The following NBAS variants were observed in gnomAD, a reference collection of about 807,000 sequenced individuals.
The protein encoded by NBAS is NBAS subunit of NRZ tethering complex, also known as NAG/BC035112 fusion.
NBAS carries 219 observed loss-of-function variants against 302.5 expected under a neutral mutation model. That is an observed-to-expected ratio of 0.72 (90% CI 0.65 to 0.81). The LOEUF (loss-of-function observed/expected upper bound fraction) is 0.81. Ranked by LOEUF, NBAS falls within the 30% of genes least tolerant of loss-of-function variation. NBAS has a pLI of 0.00. For synonymous variants in NBAS, 1,118 were observed against 1,021.6 expected (o/e 1.09, Z -1.80); for missense variants, 2,932 against 2,841.6 (o/e 1.03, Z -0.72).
chr2:14,883,979 AT>A, the NBAS span, among the ~76,000 whole-genome samples: 42 of 150,278 alleles, frequency 2.8e-4, no homozygotes, highest in African/African-American at 5.9e-4. Flanking sequence ...CTCAAAAAAA[AT>A]AAAATAAAAT....
chr2:15,227,528 AC>A (rs1404946714), intron 47 of NBAS, among the ~76,000 whole-genome samples: 4 of 152,086 alleles, frequency 2.6e-5, no homozygotes, highest in African/African-American at 4.8e-5. Context: ...AAGGCAAAAG[AC>A]CCTGGATACC....
chr2:15,353,214 T>G (rs895233749), intron 34 of NBAS, among the ~76,000 whole-genome samples: 5 of 152,194 alleles, frequency 3.3e-5, no homozygotes, highest in Admixed American at 3.3e-4. Context: ...TCCACTGGCT[T>G]TAACCCATAT....
the NBAS span, among the ~76,000 whole-genome samples, chr2:15,012,862 AT>A: frequency 0.016 from 2,367 of 147,414 alleles, 42 homozygotes; most frequent in African/African-American, 0.041. Flanking sequence ...AAACTATGGA[AT>A]TTTTTTTTTT....
chr2:15,115,772 A>G, the NBAS span, among the ~76,000 whole-genome samples: 42 of 152,048 alleles, frequency 2.8e-4, no homozygotes, highest in Non-Finnish European at 5.7e-4. Flanking sequence ...CTCACCTCCC[A>G]AAGTGCTAGG....
the NBAS span, among the ~76,000 whole-genome samples, chr2:14,949,405 C>A: frequency 6.6e-6 from 1 of 151,998 alleles, no homozygotes; most frequent in African/African-American, 2.4e-5. Context: ...AAACAAATAA[C>A]ATAATTTTAA....
the NBAS span, among the ~76,000 whole-genome samples, chr2:14,928,194 T>C: frequency 2.0e-5 from 3 of 152,204 alleles, no homozygotes; most frequent in East Asian, 5.8e-4. Context: ...TCTTCTGATT[T>C]GAAAATCTCC....
intron 48 of NBAS, among the ~76,000 whole-genome samples, chr2:15,208,959 A>G (rs954358352): frequency 6.6e-6 from 1 of 152,204 alleles, no homozygotes; most frequent in Non-Finnish European, 1.5e-5. Context: ...CAGAGCAGAA[A>G]TAAACGAATT....
At chr2:15,186,997 G>C in intron 49 of NBAS, 117 bp from the exon 50 acceptor site, 1 of 1,423,278 alleles carries the variant, frequency 7.0e-7, no homozygotes, top group South Asian at 1.2e-5. Context: ...TCTAGGTGAC[G>C]TGCTGCTTCA....
At chr2:15,481,305 G>A (rs1680417825) in intron 12 of NBAS, among the ~76,000 whole-genome samples, 1 of 152,110 alleles carries the variant, frequency 6.6e-6, no homozygotes. Flanking sequence ...GCATGTATTT[G>A]AGTACCTGAA....
the NBAS span, among the ~76,000 whole-genome samples, chr2:15,018,059 T>C: frequency 3.5e-4 from 53 of 152,128 alleles, no homozygotes; most frequent in African/African-American, 1.3e-3. Context: ...ACATGCATGT[T>C]TTCACTCGTA....
At chr2:14,909,359 G>T in the NBAS span, among the ~76,000 whole-genome samples, 1 of 67,958 alleles carries the variant, frequency 1.5e-5, no homozygotes, top group East Asian at 2.5e-4. Context: ...GCCTAGGGGA[G>T]AGTTTCTAAA....
intron 9 of NBAS, among the ~76,000 whole-genome samples, chr2:15,527,790 A>G (rs1662991277): frequency 6.6e-6 from 1 of 152,204 alleles, no homozygotes; most frequent in South Asian, 2.1e-4. Context: ...ACAGCGCCCA[A>G]ACTGTGGTAC....
chr2:14,819,284 A>T, the NBAS span, among the ~76,000 whole-genome samples: 1 of 152,228 alleles, frequency 6.6e-6, no homozygotes, highest in Non-Finnish European at 1.5e-5. Context: ...TTCTCTCTGC[A>T]AATCCTACTC....
chr2:15,289,822 C>T (rs771803600), intron 41 of NBAS, among the ~76,000 whole-genome samples: 12 of 152,032 alleles, frequency 7.9e-5, no homozygotes, highest in Non-Finnish European at 1.6e-4. Flanking sequence ...ACGGTGAAAC[C>T]CTGTCTCTAC....
chr2:15,386,429 A>C (rs1675300744), intron 28 of NBAS, among the ~76,000 whole-genome samples: 1 of 152,220 alleles, frequency 6.6e-6, no homozygotes, highest in Non-Finnish European at 1.5e-5. Flanking sequence ...AGGTAAACAA[A>C]ATATGTTTTA....
intron 50 of NBAS, among the ~76,000 whole-genome samples, chr2:15,185,552 AGACAT>A (rs1318087309): frequency 2.0e-5 from 3 of 152,186 alleles, no homozygotes; most frequent in Non-Finnish European, 4.4e-5. Context: ...TGGGTATCAC[AGACAT>A]GATATAGCCA....
At chr2:15,228,620 A>G (rs1667243659) in intron 47 of NBAS, among the ~76,000 whole-genome samples, 1 of 152,234 alleles carries the variant, frequency 6.6e-6, no homozygotes, top group Non-Finnish European at 1.5e-5. Context: ...GGGTGAAGAA[A>G]ATGTGGTACA....
chr2:15,352,141 C>T, intron 34 of NBAS, 60 bp from the exon 35 acceptor site: 4 of 1,169,284 alleles, frequency 3.4e-6, no homozygotes, highest in Non-Finnish European at 5.1e-6. Context: ...CTTCTCATCA[C>T]AATATAGGCT....
the NBAS span, among the ~76,000 whole-genome samples, chr2:14,996,226 A>T: frequency 9.9e-5 from 15 of 152,222 alleles, no homozygotes; most frequent in Non-Finnish European, 1.8e-4. Context: ...GACAGTAGCC[A>T]CTAATACTTA....
Sources: allele counts gnomAD v4.1 joint callset (sites outside exome capture counted in the v4.1 genomes callset), GRCh38; gene constraint gnomAD v4.1.1; transcripts MANE v1.5; gene names NCBI Gene and HGNC (gene_info 2026-07-23, HGNC 2026-07-21).